CAMK1D: variants seen among roughly 807,000 people sequenced by gnomAD.
The protein encoded by CAMK1D is calcium/calmodulin-dependent protein kinase type 1D.
CAMK1D carries 9 observed loss-of-function variants against 47.7 expected under a neutral mutation model. The ratio of observed to expected loss-of-function variants is 0.19; its 90% CI spans 0.11 to 0.33. The LOEUF (loss-of-function observed/expected upper bound fraction) is 0.33. Among genes scored for constraint, CAMK1D ranks in the 10% least tolerant of loss-of-function variants. The pLI, the probability that CAMK1D is intolerant of heterozygous loss-of-function variation, is 1.00. For synonymous variants in CAMK1D, 184 were observed against 184.9 expected, an observed-to-expected ratio of 0.99 and a Z score of 0.04; for missense variants, 291 against 488.7, an observed-to-expected ratio of 0.60 and a Z score of 3.81.
intron 5 of CAMK1D, among the ~76,000 whole-genome samples, chr10:12,787,028 T>C (rs563647976): frequency 1.3e-5 from 2 of 152,012 alleles, no homozygotes; most frequent in African/African-American, 4.8e-5. Context: ...GAGACTGAGG[T>C]GGGAGAATTG....
chr10:12,648,642 T>A (rs1839875971), intron 2 of CAMK1D, among the ~76,000 whole-genome samples: 1 of 152,144 alleles, frequency 6.6e-6, no homozygotes, highest in Non-Finnish European at 1.5e-5. Flanking sequence ...GGCTAATTTT[T>A]GTATTTTTAG....
intron 3 of CAMK1D, among the ~76,000 whole-genome samples, chr10:12,740,267 G>A (rs1004808157): frequency 2.0e-5 from 3 of 152,168 alleles, no homozygotes; most frequent in South Asian, 4.1e-4. Context: ...TGACTGTTTC[G>A]TGGAGGTGCC....
chr10:12,826,764 A>G (rs543993979), intron 10 of CAMK1D, among the ~76,000 whole-genome samples: 1 of 152,330 alleles, frequency 6.6e-6, no homozygotes, highest in South Asian at 2.1e-4. Flanking sequence ...AATCTCTGTG[A>G]GTGTCCCCTG....
intron 1 of CAMK1D, among the ~76,000 whole-genome samples, chr10:12,536,043 G>A (rs1835959993): frequency 6.6e-6 from 1 of 152,084 alleles, no homozygotes; most frequent in Non-Finnish European, 1.5e-5. Context: ...CCTTCCATAT[G>A]TGTCCTCCCA....
intron 2 of CAMK1D, among the ~76,000 whole-genome samples, chr10:12,612,319 G>A (rs1020250429): frequency 1.1e-4 from 17 of 150,886 alleles, no homozygotes; most frequent in Admixed American, 2.7e-4. Flanking sequence ...GTCCCAAATT[G>A]GGCTTTAATT....
intron 6 of CAMK1D, among the ~76,000 whole-genome samples, chr10:12,805,277 T>C (rs1461658756): frequency 1.3e-5 from 2 of 150,942 alleles, no homozygotes; most frequent in African/African-American, 4.9e-5. Flanking sequence ...ATACTAGATA[T>C]AGCACAGTCT....
chr10:12,416,983 C>T (rs747088448), intron 1 of CAMK1D, among the ~76,000 whole-genome samples: 5 of 152,024 alleles, frequency 3.3e-5, no homozygotes, highest in Non-Finnish European at 5.9e-5. Flanking sequence ...ACTGGGGGCC[C>T]GGGGTCACAC....
At chr10:12,369,726 A>G (rs910789219) in intron 1 of CAMK1D, among the ~76,000 whole-genome samples, 3 of 152,128 alleles carry the variant, frequency 2.0e-5, no homozygotes, top group African/African-American at 7.2e-5. Flanking sequence ...TGAGAGGCCC[A>G]GGTGGGTGCG....
intron 1 of CAMK1D, among the ~76,000 whole-genome samples, chr10:12,370,729 C>A (rs1347692018): frequency 6.6e-6 from 1 of 152,170 alleles, no homozygotes; most frequent in Non-Finnish European, 1.5e-5. Flanking sequence ...CTGCCACAGC[C>A]TCCTGAGTAG....
intron 3 of CAMK1D, among the ~76,000 whole-genome samples, chr10:12,703,572 A>C (rs1833611736): frequency 6.6e-6 from 1 of 152,204 alleles, no homozygotes; most frequent in African/African-American, 2.4e-5. Context: ...GATACTTTCA[A>C]GACAAATTTG....
At chr10:12,638,855 G>C (rs1037622188) in intron 2 of CAMK1D, among the ~76,000 whole-genome samples, 3 of 152,190 alleles carry the variant, frequency 2.0e-5, no homozygotes, top group Admixed American at 2.0e-4. Context: ...CTCTGGGAGG[G>C]TGGAAAGGCG....
intron 1 of CAMK1D, among the ~76,000 whole-genome samples, chr10:12,522,635 A>C (rs11257851): frequency 0.68 from 103,123 of 151,014 alleles, 35,285 homozygotes; most frequent in South Asian, 0.74. Context: ...ATTGCTCAAT[A>C]TTTTCCCCAC....
At chr10:12,739,442 ATTTTTTTTT>A (rs1186963710) in intron 3 of CAMK1D, among the ~76,000 whole-genome samples, 2 of 127,750 alleles carry the variant, frequency 1.6e-5, no homozygotes, top group Non-Finnish European at 3.3e-5. Flanking sequence ...CACCCGGCTA[ATTTTTTTTT>A]TTTTTTTTTT....
At chr10:12,716,346 T>C (rs1834135618) in intron 3 of CAMK1D, among the ~76,000 whole-genome samples, 1 of 152,062 alleles carries the variant, frequency 6.6e-6, no homozygotes, top group African/African-American at 2.4e-5. Flanking sequence ...TTGTCATATG[T>C]CCCCTGCGGG....
At chr10:12,655,332 C>T (rs995197563) in intron 2 of CAMK1D, among the ~76,000 whole-genome samples, 1 of 152,098 alleles carries the variant, frequency 6.6e-6, no homozygotes, top group African/African-American at 2.4e-5. Flanking sequence ...GATCCACCCC[C>T]ATGACTTGAA....
At chr10:12,547,591 A>G (rs1474163255) in intron 1 of CAMK1D, among the ~76,000 whole-genome samples, 1 of 151,170 alleles carries the variant, frequency 6.6e-6, no homozygotes, top group East Asian at 2.0e-4. Flanking sequence ...AAGTCTTTAT[A>G]GGTTTTCAGA....
chr10:12,594,066 C>A (rs549015955), intron 2 of CAMK1D, among the ~76,000 whole-genome samples: 1 of 152,148 alleles, frequency 6.6e-6, no homozygotes, highest in Non-Finnish European at 1.5e-5. Context: ...ATCCCAGCTA[C>A]TTGGGAGGCT....
chr10:12,657,294 G>A (rs186845391), intron 2 of CAMK1D, among the ~76,000 whole-genome samples: 25 of 151,994 alleles, frequency 1.6e-4, no homozygotes, highest in Non-Finnish European at 2.8e-4. Flanking sequence ...GTGTGGTGGC[G>A]CATGCCTGTA....
chr10:12,508,768 A>C (rs1834953958), intron 1 of CAMK1D, among the ~76,000 whole-genome samples: 2 of 152,188 alleles, frequency 1.3e-5, no homozygotes, highest in Non-Finnish European at 2.9e-5. Flanking sequence ...ACCCTGATAA[A>C]GCCGAGGGAG....
Sources: allele counts gnomAD v4.1 joint callset (sites outside exome capture counted in the v4.1 genomes callset), GRCh38; gene constraint gnomAD v4.1.1; transcripts MANE v1.5; gene names NCBI Gene and HGNC (gene_info 2026-07-23, HGNC 2026-07-21).